The following R3HDM2 variants were observed in gnomAD, a reference collection of about 807,000 sequenced individuals.
R3HDM2 encodes R3H domain containing 2.
In R3HDM2, 38 loss-of-function variants were observed where a neutral mutation model predicts 124.5. The observed-to-expected ratio is 0.31, with a 90% CI of 0.24 to 0.40. The LOEUF is 0.40. R3HDM2 is among the 10% of genes least tolerant of loss of function. The pLI is 1.00. For synonymous variants in R3HDM2, 391 were observed against 448.0 expected (o/e 0.87, Z 1.61); for missense variants, 869 against 1,236.9 (o/e 0.70, Z 4.46).
intron 1 of R3HDM2, among the ~76,000 whole-genome samples, chr12:57,398,405 A>G (rs1392029253): frequency 2.0e-5 from 3 of 152,036 alleles, no homozygotes; most frequent in Non-Finnish European, 4.4e-5. Context: ...TGTATAGCCA[A>G]TAAAATGGCC....
At chr12:57,400,986 G>C (rs1460913707) in intron 1 of R3HDM2, among the ~76,000 whole-genome samples, 2 of 151,954 alleles carry the variant, frequency 1.3e-5, no homozygotes, top group African/African-American at 4.8e-5. Flanking sequence ...AAGTAAGTAA[G>C]CTTTGTTCTA....
At chr12:57,339,011 G>A (rs991213365) in intron 2 of R3HDM2, among the ~76,000 whole-genome samples, 2 of 151,934 alleles carry the variant, frequency 1.3e-5, no homozygotes, top group Non-Finnish European at 2.9e-5. Flanking sequence ...TATTGTCTTC[G>A]TTTTACAAAT....
Position 57,309,080 on chromosome 12 carries a change from T to C in R3HDM2, c.165+1184A>G, listed in dbSNP as rs1390960213. ...AAGCAGGCAGCTAGAGAACAAAATA[T>C]CTCAGAGAGCTGTCTAATTTTAATT... On this transcript the variant is annotated intron_variant, in intron 3 of 23. Coordinates refer to ENST00000402412, the MANE Select transcript of R3HDM2 (RefSeq NM_001394031.1). Among the ~76,000 whole-genome samples, 8 of 152,348 alleles carry C rather than the reference T, an allele frequency of 5.3e-5. No individual in the cohort carries two copies. In the South Asian group the frequency reaches 1.0e-3, roughly 20 times the overall value.
intron 1 of R3HDM2, among the ~76,000 whole-genome samples, chr12:57,401,475 A>G (rs1019783135): frequency 6.6e-6 from 1 of 152,192 alleles, no homozygotes; most frequent in Non-Finnish European, 1.5e-5. Flanking sequence ...ACTGAACACA[A>G]ATGAGTGAGC....
In R3HDM2 at chr12:57,295,652, G is replaced by A. The variant is rs553385788; in HGVS notation, c.702-145C>T. 6.5e-6 allele frequency: 4 copies of A among 617,358 alleles called. No individual in the cohort carries two copies. The African/African-American group carries it at 7.4e-5, about 11-fold the overall frequency. The allele number at this position is 617,358 out of a possible 1,614,324, so 38.2% of individuals were successfully genotyped here. A position where few individuals can be genotyped will look rare whatever the true frequency, so the allele number is the denominator to read the frequency against. ...AAGGAATCCAAAAAGTCACATGCAG[G>A]TTTTAATGAAATCTTCAGGGTCTGT... On this transcript the variant is annotated intron_variant, in intron 9 of 23. Transcript: ENST00000402412.
intron 2 of R3HDM2, among the ~76,000 whole-genome samples, chr12:57,327,873 T>C (rs1456864393): frequency 6.6e-6 from 1 of 152,216 alleles, no homozygotes; most frequent in African/African-American, 2.4e-5. Context: ...TTGGTGAAGA[T>C]GCTGTGGACA....
intron 18 of R3HDM2, among the ~76,000 whole-genome samples, chr12:57,267,604 A>G (rs1452694959): frequency 6.6e-6 from 1 of 152,160 alleles, no homozygotes; most frequent in Non-Finnish European, 1.5e-5. Flanking sequence ...AGACAAATAG[A>G]AAAAAATAAC....
intron 1 of R3HDM2, among the ~76,000 whole-genome samples, chr12:57,410,243 A>G (rs1047915871): frequency 2.0e-5 from 3 of 148,060 alleles, no homozygotes; most frequent in Non-Finnish European, 4.4e-5. Flanking sequence ...TTTATCTGCC[A>G]TTTCTTGTGT....
rs181926875 is a variant in R3HDM2, at chr12:57,370,177, C to G, written c.-36+25572G>C. Among the ~76,000 whole-genome samples the G allele has an allele frequency of 2.2e-4, 34 of 152,264 alleles. No homozygotes were observed. The East Asian group carries it at 6.0e-3, about 27-fold the overall frequency. On this transcript the variant is annotated intron_variant, in intron 2 of 23. Coordinates refer to ENST00000402412, the MANE Select transcript of R3HDM2 (RefSeq NM_001394031.1). The stretch of plus-strand genomic sequence containing the variant: ...CGGGGGCGGTTCCCCCCGCTGTTCT[C>G]ATGCTAGTGAGTGAGTTCTCACAAG...
At chr12:57,275,246 TG>T (rs2044407876) in intron 14 of R3HDM2, among the ~76,000 whole-genome samples, 1 of 152,154 alleles carries the variant, frequency 6.6e-6, no homozygotes. Flanking sequence ...CAAATGGTGC[TG>T]GGATAATTGG....
chr12:57,406,589 T>A lies in R3HDM2; in HGVS notation c.-105-10771A>T, dbSNP rs992148855. Among the ~76,000 whole-genome samples, 3 of 152,192 alleles carry A rather than the reference T, an allele frequency of 2.0e-5. No individual in the cohort carries two copies. The East Asian group carries it at 5.8e-4, about 29-fold the overall frequency. On this transcript the variant is annotated intron_variant, in intron 1 of 23. Transcript: ENST00000402412. ...AAAAGTACTGCAGCTAAAAAAAAAT[T>A]AAGAAATGATAGAATTTGAGTATCA...
At chr12:57,372,586 G>A (rs1379567123) in intron 2 of R3HDM2, among the ~76,000 whole-genome samples, 2 of 152,166 alleles carry the variant, frequency 1.3e-5, no homozygotes, top group Non-Finnish European at 2.9e-5. Context: ...TAACAAGAGA[G>A]CTAATAAACA....
At chr12:57,423,839 G>A (rs1284364389) in intron 1 of R3HDM2, among the ~76,000 whole-genome samples, 1 of 133,256 alleles carries the variant, frequency 7.5e-6, no homozygotes, top group Non-Finnish European at 1.6e-5. Flanking sequence ...AAAAGGCCAG[G>A]TGCAGTGGCT....
intron 3 of R3HDM2, among the ~76,000 whole-genome samples, chr12:57,306,531 C>T (rs1052106431): frequency 1.8e-4 from 28 of 151,980 alleles, no homozygotes; most frequent in African/African-American, 6.3e-4. Context: ...GCCTCAGCCT[C>T]CTGGGTAGCT....
chr12:57,313,866 G>A (rs1373999143), intron 2 of R3HDM2, among the ~76,000 whole-genome samples: 2 of 109,164 alleles, frequency 1.8e-5, no homozygotes, highest in Non-Finnish European at 3.5e-5. Context: ...GGGTGACAAA[G>A]CAAGATCCTG....
At chr12:57,384,838 G>C (rs1234271040) in intron 2 of R3HDM2, among the ~76,000 whole-genome samples, 1 of 152,142 alleles carries the variant, frequency 6.6e-6, no homozygotes, top group Non-Finnish European at 1.5e-5. Context: ...ACACTAGATA[G>C]AAAAAAATGT....
intron 1 of R3HDM2, among the ~76,000 whole-genome samples, chr12:57,402,093 GA>G (rs1327119537): frequency 1.3e-5 from 2 of 151,946 alleles, no homozygotes; most frequent in African/African-American, 2.4e-5. Context: ...TCAGGAGTTA[GA>G]GACCATCCTG....
chr12:57,352,842 T>C (rs2060829097), intron 2 of R3HDM2, among the ~76,000 whole-genome samples: 1 of 151,982 alleles, frequency 6.6e-6, no homozygotes. Context: ...AGCAGATCAA[T>C]GGGAAAAGAA....
chr12:57,418,138 T>C, intron 1 of R3HDM2: 1 of 984,650 alleles, frequency 1.0e-6, no homozygotes, highest in Non-Finnish European at 1.2e-6. Context: ...AACCTACCCT[T>C]TTCTTATCTC....
Sources: gnomAD v4.1 joint callset for allele counts (sites outside exome capture counted in the v4.1 genomes callset) on GRCh38, gnomAD v4.1.1 for gene constraint, MANE v1.5 for transcripts, NCBI Gene and HGNC (gene_info 2026-07-23, HGNC 2026-07-21) for gene names.